The following PSIP1 variants were observed in gnomAD, a reference collection of about 807,000 sequenced individuals.
PSIP1 encodes PC4 and SFRS1-interacting protein.
PSIP1 carries 19 observed loss-of-function variants against 74.7 expected under a neutral mutation model. The observed-to-expected ratio is 0.25, with a 90% CI of 0.18 to 0.37. The LOEUF (loss-of-function observed/expected upper bound fraction) is 0.37, where lower values mean the gene tolerates loss of function less well. Ranked by LOEUF, PSIP1 falls within the 10% of genes least tolerant of loss-of-function variation. PSIP1 has a pLI of 1.00. For missense variants in PSIP1, 601 were observed against 614.3 expected, an observed-to-expected ratio of 0.98 and a Z score of 0.23; for synonymous variants, 222 against 195.3, an observed-to-expected ratio of 1.14 and a Z score of -1.14.
intron 6 of PSIP1, 46 bp from the exon 7 acceptor site, chr9:15,479,733 C>G (rs746418762): frequency 6.6e-7 from 1 of 1,512,000 alleles, no homozygotes; most frequent in Non-Finnish European, 9.1e-7. Context: ...ATAGTAGGCA[C>G]TCAAAGTTTA....
chr9:15,478,397 G>C, intron 8 of PSIP1, 80 bp downstream of exon 8: 10 of 1,081,416 alleles, frequency 9.2e-6, no homozygotes, highest in Non-Finnish European at 1.4e-5. Flanking sequence ...AGAGAAAACT[G>C]ATAAAATCGC....
chr9:15,478,455 TATAC>T lies in PSIP1; in HGVS notation c.629+18_629+21del. Reference sequence around the variant, plus strand: ...TCAAATGTCTCATTTATTGCATAATTATACATTAAAAATAAACTCACATGTCACT... The same window carrying T: ...TCAAATGTCTCATTTATTGCATAATTATTAAAAATAAACTCACATGTCACT... On this transcript the variant is annotated intron_variant, in intron 8 of 15. Coordinates refer to ENST00000380733, the MANE Select transcript of PSIP1 (RefSeq NM_033222.5). The T allele has an allele frequency of 1.3e-6, 2 of 1,517,384 alleles. No individual in the cohort carries two copies. The allele number at this position is 1,517,384 out of a possible 1,614,324, so 94.0% of individuals were successfully genotyped here. A position where few individuals can be genotyped will look rare whatever the true frequency, so the allele number is the denominator to read the frequency against.
chr9:15,475,833 G>T (rs1248220712), intron 8 of PSIP1, among the ~76,000 whole-genome samples: 1 of 152,030 alleles, frequency 6.6e-6, no homozygotes, highest in Non-Finnish European at 1.5e-5. Context: ...TCCCTTTTTA[G>T]CAGGTAAGGG....
At chr9:15,489,856 T>C in intron 4 of PSIP1, 130 bp downstream of exon 4, 1 of 734,230 alleles carries the variant, frequency 1.4e-6, no homozygotes, top group South Asian at 3.2e-5. Flanking sequence ...AGGTTCAACC[T>C]CACAAATAAG....
intron 4 of PSIP1, among the ~76,000 whole-genome samples, chr9:15,488,467 G>C (rs2036656163): frequency 6.6e-6 from 1 of 152,178 alleles, no homozygotes; most frequent in Non-Finnish European, 1.5e-5. Flanking sequence ...TGATGAAAGA[G>C]AAACTGTCCC....
At chr9:15,489,963 A>G (rs370171395) in intron 4 of PSIP1, 23 bp downstream of exon 4, 114 of 1,502,350 alleles carry the variant, frequency 7.6e-5, no homozygotes, top group Non-Finnish European at 9.9e-5. Flanking sequence ...AAGTAATATC[A>G]AATTTTATGT....
intron 6 of PSIP1, 96 bp from the exon 7 acceptor site, chr9:15,479,783 G>T: frequency 1.2e-6 from 1 of 861,710 alleles, no homozygotes; most frequent in Non-Finnish European, 1.9e-6. Context: ...GTAACGTTGA[G>T]TTCAAGTATA....
intron 9 of PSIP1, among the ~76,000 whole-genome samples, chr9:15,473,283 G>A (rs976703329): frequency 4.6e-5 from 7 of 152,150 alleles, no homozygotes; most frequent in African/African-American, 1.7e-4. Flanking sequence ...CAATAGGCCT[G>A]AAGGGTGTTA....
intron 11 of PSIP1, 81 bp from the exon 12 acceptor site, chr9:15,469,417 T>C (rs1490302449): frequency 1.2e-6 from 1 of 812,522 alleles, no homozygotes; most frequent in Non-Finnish European, 1.9e-6. Context: ...TATAATGAAT[T>C]AGTGGACTTA....
intron 3 of PSIP1, among the ~76,000 whole-genome samples, chr9:15,495,964 T>C (rs565844007): frequency 6.6e-6 from 1 of 152,332 alleles, no homozygotes; most frequent in South Asian, 2.1e-4. Context: ...TTTGCTGCAC[T>C]ATCATCTTTG....
At chr9:15,506,980 T>A (rs2037620441) in intron 2 of PSIP1, among the ~76,000 whole-genome samples, 1 of 152,240 alleles carries the variant, frequency 6.6e-6, no homozygotes, top group African/African-American at 2.4e-5. Context: ...CCTGCCTTCC[T>A]AAAATCCCAG....
intron 2 of PSIP1, among the ~76,000 whole-genome samples, chr9:15,509,790 C>T (rs892679224): frequency 5.3e-5 from 8 of 152,188 alleles, no homozygotes; most frequent in Non-Finnish European, 1.0e-4. Flanking sequence ...GTCAATGTTT[C>T]ACTAATTTTT....
chr9:15,480,303 C>A (rs2036279327), intron 6 of PSIP1, among the ~76,000 whole-genome samples: 1 of 152,160 alleles, frequency 6.6e-6, no homozygotes, highest in African/African-American at 2.4e-5. Flanking sequence ...CTGATCATAA[C>A]TGCAAAAGGA....
chr9:15,486,131 T>C (rs1426473448), intron 5 of PSIP1, 63 bp from the exon 6 acceptor site: 13 of 1,376,776 alleles, frequency 9.4e-6, no homozygotes, highest in Middle Eastern at 2.0e-4. Context: ...AGAAACCTTG[T>C]TAAACTAAAA....
chr9:15,490,232 A>G (rs1270163300), intron 3 of PSIP1, 108 bp from the exon 4 acceptor site: 3 of 1,047,572 alleles, frequency 2.9e-6, no homozygotes, highest in Non-Finnish European at 3.9e-6. Context: ...CCTAAACTGC[A>G]TTACAAATCT....
chr9:15,466,905 C>T (rs749831492), intron 14 of PSIP1, 46 bp from the exon 15 acceptor site: 2 of 1,448,746 alleles, frequency 1.4e-6, no homozygotes, highest in Non-Finnish European at 1.9e-6. Context: ...GCTTACAAAA[C>T]AATAATTGAA....
At chr9:15,466,389 C>T (rs376165703) in intron 15 of PSIP1, among the ~76,000 whole-genome samples, 1 of 117,650 alleles carries the variant, frequency 8.5e-6, no homozygotes, top group African/African-American at 2.7e-5. Context: ...AAAGAAAAAA[C>T]AACAACAACA....
chr9:15,503,340 C>T (rs1240745599), intron 3 of PSIP1, among the ~76,000 whole-genome samples: 4 of 151,356 alleles, frequency 2.6e-5, no homozygotes, highest in African/African-American at 9.7e-5. Context: ...GCACTCCAGC[C>T]TGGGCAACAG....
At chr9:15,466,150 G>C (rs995707844) in intron 15 of PSIP1, among the ~76,000 whole-genome samples, 11 of 152,310 alleles carry the variant, frequency 7.2e-5, no homozygotes, top group Non-Finnish European at 1.5e-4. Context: ...AGCCAAGGTG[G>C]GTGGATCACC....
Sources: allele counts gnomAD v4.1 joint callset (sites outside exome capture counted in the v4.1 genomes callset), GRCh38; gene constraint gnomAD v4.1.1; transcripts MANE v1.5; gene names NCBI Gene and HGNC (gene_info 2026-07-23, HGNC 2026-07-21).